OFD1: variants seen among roughly 807,000 people sequenced by gnomAD.
OFD1 encodes the protein OFD1 centriole and centriolar satellite protein, also known as centriole and centriolar satellite protein OFD1.
Under a neutral mutation model 81.4 loss-of-function variants are expected in OFD1, and 12 were observed. That is an observed-to-expected ratio of 0.15 (90% CI 0.09 to 0.24). The LOEUF is 0.24. Ranked by LOEUF, OFD1 falls within the 10% of genes least tolerant of loss-of-function variation. The probability of loss-of-function intolerance (pLI) is 1.00; values close to 1 mark genes in which losing one functional copy is unlikely to be tolerated. For synonymous variants in OFD1, 256 were observed against 263.7 expected, an observed-to-expected ratio of 0.97 and a Z score of 0.28; for missense variants, 685 against 733.9, an observed-to-expected ratio of 0.93 and a Z score of 0.77.
At chrX:13,720,528 C>T in the OFD1 span, 2 of 112,559 alleles carry the variant, frequency 1.8e-5, no homozygotes, top group South Asian at 3.6e-4. Flanking sequence ...ATCACTGATT[C>T]GCAGACTGCG....
the OFD1 span, among the ~76,000 whole-genome samples, chrX:13,728,966 G>C: frequency 1.8e-5 from 2 of 111,465 alleles, no homozygotes; most frequent in Admixed American, 9.5e-5. Flanking sequence ...AATAGACAGA[G>C]AGCCAAAGCA....
At chrX:13,757,596 A>G (rs1423134925) in intron 13 of OFD1, 64 bp from the exon 14 acceptor site, 4 of 1,139,025 alleles carry the variant, frequency 3.5e-6, no homozygotes, top group East Asian at 3.0e-5. Flanking sequence ...GTTTTTGTTA[A>G]GTTAAATAAG....
At chrX:13,757,865 A>G in intron 14 of OFD1, 75 bp downstream of exon 14, 1 of 1,075,307 alleles carries the variant, frequency 9.3e-7, no homozygotes, top group South Asian at 1.9e-5. Flanking sequence ...CACAAGTCAC[A>G]CTAGTGTAAA....
intron 15 of OFD1, 52 bp from the exon 16 acceptor site, chrX:13,760,063 T>C: frequency 1.7e-6 from 2 of 1,205,627 alleles, no homozygotes; most frequent in Non-Finnish European, 2.2e-6. Flanking sequence ...AAGTATATTT[T>C]CTTCTCTGCC....
intron 11 of OFD1, among the ~76,000 whole-genome samples, chrX:13,754,157 AT>A (rs2047611390): frequency 9.1e-6 from 1 of 110,013 alleles, no homozygotes. Context: ...AATTTTTTGT[AT>A]TTTTAGTAGA....
At chrX:13,744,642 A>G (rs1440738204) in intron 6 of OFD1, 123 bp downstream of exon 6, 5 of 513,653 alleles carry the variant, frequency 9.7e-6, no homozygotes, top group Non-Finnish European at 1.7e-5. Context: ...GGCAGGCAAC[A>G]AGGGAATTCA....
intron 2 of OFD1, 138 bp from the exon 3 acceptor site, chrX:13,736,340 G>T: frequency 9.2e-7 from 1 of 1,089,737 alleles, no homozygotes. Context: ...TTCTGGCCAT[G>T]GATCTAGAAC....
chrX:13,759,455 G>C (rs1187780448), intron 15 of OFD1, among the ~76,000 whole-genome samples: 6 of 112,238 alleles, frequency 5.3e-5, no homozygotes, highest in African/African-American at 1.9e-4. Flanking sequence ...AGGCATTGCA[G>C]GAGAGAGGGG....
the OFD1 span, among the ~76,000 whole-genome samples, chrX:13,725,774 A>G: frequency 3.6e-5 from 4 of 112,413 alleles, no homozygotes; most frequent in African/African-American, 1.3e-4. Flanking sequence ...AGTTGACAGA[A>G]TGAGGCTTCA....
At chrX:13,722,838 C>T in the OFD1 span, among the ~76,000 whole-genome samples, 12 of 111,137 alleles carry the variant, frequency 1.1e-4, no homozygotes, top group Middle Eastern at 4.6e-3. Context: ...CCAAGGTGGG[C>T]GGATCACGAG....
intron 19 of OFD1, among the ~76,000 whole-genome samples, chrX:13,764,351 C>T (rs1395113400): frequency 3.6e-5 from 4 of 112,482 alleles, no homozygotes; most frequent in Non-Finnish European, 1.9e-5. Context: ...AGAAAAACTT[C>T]GTATTTCAAT....
At chrX:13,744,172 A>C (rs915179194) in intron 5 of OFD1, among the ~76,000 whole-genome samples, 1 of 111,031 alleles carries the variant, frequency 9.0e-6, no homozygotes. Context: ...GTGCACCTCT[A>C]GTCCCAGCTA....
At chrX:13,718,249 C>T in the OFD1 span, among the ~76,000 whole-genome samples, 1 of 113,168 alleles carries the variant, frequency 8.8e-6, no homozygotes, top group African/African-American at 3.2e-5. Context: ...TGGAGGAGGG[C>T]GGCCCGTTGC....
At chrX:13,750,283 A>T (rs2047452668) in intron 9 of OFD1, among the ~76,000 whole-genome samples, 1 of 111,995 alleles carries the variant, frequency 8.9e-6, no homozygotes, top group Non-Finnish European at 1.9e-5. Context: ...GGGCAGAGAG[A>T]GTTCATCATT....
chrX:13,724,800 G>A, the OFD1 span, among the ~76,000 whole-genome samples: 1 of 112,613 alleles, frequency 8.9e-6, no homozygotes, highest in South Asian at 3.7e-4. Flanking sequence ...GCAGGGCGTC[G>A]CCTCACCCAG....
At chrX:13,719,117 A>G in the OFD1 span, among the ~76,000 whole-genome samples, 4 of 111,393 alleles carry the variant, frequency 3.6e-5, no homozygotes, top group Admixed American at 9.5e-5. Flanking sequence ...AGATCGTGTC[A>G]CTGCACTCCA....
At chrX:13,715,716 T>G in the OFD1 span, 22 of 762,332 alleles carry the variant, frequency 2.9e-5, no homozygotes, top group Non-Finnish European at 3.2e-5. Context: ...CTTGCTGTCT[T>G]TAGGGATCCC....
chrX:13,721,378 C>T, the OFD1 span: 1 of 112,188 alleles, frequency 8.9e-6, no homozygotes, highest in Non-Finnish European at 1.9e-5. Flanking sequence ...TGTAAAGTAC[C>T]CAGTACAGTG....
the OFD1 span, among the ~76,000 whole-genome samples, chrX:13,718,506 A>T: frequency 1.8e-5 from 2 of 112,514 alleles, no homozygotes; most frequent in South Asian, 7.3e-4. Context: ...TTTGTCCAAC[A>T]CAAGGGCAGT....
Sources: allele counts gnomAD v4.1 joint callset (sites outside exome capture counted in the v4.1 genomes callset), GRCh38; gene constraint gnomAD v4.1.1; transcripts MANE v1.5; gene names NCBI Gene and HGNC (gene_info 2026-07-23, HGNC 2026-07-21).